The following LMF1 variants were observed in gnomAD, a reference collection of about 807,000 sequenced individuals.
LMF1 encodes transmembrane protein 112.
In LMF1, 68 loss-of-function variants were observed where a neutral mutation model predicts 60.6. The ratio of observed to expected loss-of-function variants is 1.12; its 90% CI spans 0.92 to 1.37. The LOEUF (loss-of-function observed/expected upper bound fraction) is 1.37, where lower values mean the gene tolerates loss of function less well. Among genes scored for constraint, LMF1 ranks in the 40% most tolerant of loss-of-function variants. The pLI, the probability that LMF1 is intolerant of heterozygous loss-of-function variation, is 0.00. For synonymous variants in LMF1, 418 were observed against 324.7 expected (o/e 1.29, Z -3.09); for missense variants, 948 against 767.2 (o/e 1.24, Z -2.78).
chr16:979,499 G>A (rs2073276824), intron 1 of LMF1: 1 of 376,998 alleles, frequency 2.7e-6, no homozygotes, highest in Admixed American at 3.0e-5. Flanking sequence ...GGAGCCTGAG[G>A]CAGGGTCTCA....
rs561896557 is a variant in LMF1, at chr16:926,137, T to C, written c.514+8107A>G. ...TGATCTGAATATGTCTGTGTGTGCA[T>C]GCGTGCACCTGTGTTTGCATATGTG... On this transcript the variant is annotated intron_variant, in intron 3 of 10. Coordinates refer to ENST00000262301, the MANE Select transcript of LMF1 (RefSeq NM_022773.4). Among the ~76,000 whole-genome samples, 24 of 152,238 alleles carry C rather than the reference T, an allele frequency of 1.6e-4. No homozygotes were observed. In the East Asian group the frequency reaches 4.6e-3, roughly 29 times the overall value.
chr16:919,070 G>A (rs1383950858), intron 3 of LMF1, among the ~76,000 whole-genome samples: 1 of 152,112 alleles, frequency 6.6e-6, no homozygotes, highest in Admixed American at 6.5e-5. Context: ...GTGGGCAGTC[G>A]GCATGTCGGC....
intron 1 of LMF1, among the ~76,000 whole-genome samples, chr16:965,028 T>C (rs1418124428): frequency 6.6e-6 from 1 of 152,220 alleles, no homozygotes; most frequent in Non-Finnish European, 1.5e-5. Flanking sequence ...ATTTTCAACA[T>C]AATCTCAGTG....
intron 10 of LMF1, 51 bp downstream of exon 10, chr16:868,893 A>G: frequency 8.5e-7 from 1 of 1,173,582 alleles, no homozygotes; most frequent in East Asian, 2.3e-5. Context: ...ATCCCAGCAG[A>G]CACCTGGATT....
Position 860,018 on chromosome 16 carries a change from C to T in LMF1, c.1530-5312G>A, listed in dbSNP as rs561352845. On this transcript the variant is annotated intron_variant, in intron 10 of 10. Transcript: ENST00000262301. Reference sequence around the variant, plus strand: ...TGGTTTTTGCTTCTCTAATGACAGGCATTTCTCCTGAGCTTATCTGTCATC... The same window carrying T: ...TGGTTTTTGCTTCTCTAATGACAGGTATTTCTCCTGAGCTTATCTGTCATC... Among the ~76,000 whole-genome samples the T allele has an allele frequency of 5.3e-5, 8 of 151,668 alleles. No homozygotes were observed. In the South Asian group the frequency reaches 1.7e-3, roughly 31 times the overall value.
chr16:954,256 A>G, intron 2 of LMF1, 101 bp downstream of exon 2: 2 of 1,227,074 alleles, frequency 1.6e-6, no homozygotes, highest in Non-Finnish European at 2.3e-6. Flanking sequence ...GGAATTTAAG[A>G]TAAACGCTCG....
At chr16:862,940 T>C (rs1490366339) in intron 10 of LMF1, among the ~76,000 whole-genome samples, 1 of 152,202 alleles carries the variant, frequency 6.6e-6, no homozygotes, top group Non-Finnish European at 1.5e-5. Context: ...AATCTTAGAA[T>C]TCTCCAGTGA....
chr16:898,053 A>G (rs901011366), intron 4 of LMF1, among the ~76,000 whole-genome samples: 1 of 152,218 alleles, frequency 6.6e-6, no homozygotes, highest in African/African-American at 2.4e-5. Flanking sequence ...CATGCCTCAG[A>G]ACAGTGGGCT....
At chr16:910,681 A>G (rs531645952) in intron 4 of LMF1, among the ~76,000 whole-genome samples, 4 of 152,248 alleles carry the variant, frequency 2.6e-5, no homozygotes, top group Admixed American at 2.6e-4. Context: ...TCCTCCTGAA[A>G]CAGACTCAGA....
Position 854,662 on chromosome 16 carries a change from C to T in LMF1, c.1574G>A (p.Gly525Glu), listed in dbSNP as rs200159114. 79 of 1,604,592 alleles carry T rather than the reference C, an allele frequency of 4.9e-5. No individual in the cohort carries two copies. The highest frequency in any genetic ancestry group is 6.5e-5 in the Non-Finnish European group (77 of 1,178,228). ...CTTGCCCTCGGCGGCGTGCCTGCCCCCAGGACGGCTGAACTTGTACCTGTA... is the reference window on the plus strand; with the variant it reads ...CTTGCCCTCGGCGGCGTGCCTGCCCTCAGGACGGCTGAACTTGTACCTGTA... ...EHYRYKFSRPGGRHAAEGKWW... is the reference protein window; with the variant it reads ...EHYRYKFSRPEGRHAAEGKWW... Residue 525 changes from glycine (G) to glutamate (E), a missense_variant, in exon 11 of 11, where the codon GGG becomes GAG. Gly to Glu is a moderately conservative substitution (Grantham distance 98, BLOSUM62 -2). Transcript: ENST00000262301.
At chr16:932,502 C>T (rs75142938) in intron 3 of LMF1, among the ~76,000 whole-genome samples, 11,030 of 152,296 alleles carry the variant, frequency 0.072, 455 homozygotes, top group Non-Finnish European at 0.092. Flanking sequence ...GGACTTCTCC[C>T]GCTAGACACA....
intron 1 of LMF1, among the ~76,000 whole-genome samples, chr16:959,713 C>T (rs1450377513): frequency 6.6e-6 from 1 of 152,196 alleles, no homozygotes; most frequent in East Asian, 1.9e-4. Flanking sequence ...AGGGCTTTCC[C>T]CCCCGGGCCT....
chr16:973,435 G>T (rs2073083481), upstream of LMF1, among the ~76,000 whole-genome samples: 1 of 152,228 alleles, frequency 6.6e-6, no homozygotes, highest in South Asian at 2.1e-4. Context: ...AGTGGGACAG[G>T]ACAGACGCGG....
At chr16:860,310 G>C (rs772565102) in intron 10 of LMF1, among the ~76,000 whole-genome samples, 2 of 151,404 alleles carry the variant, frequency 1.3e-5, no homozygotes, top group Non-Finnish European at 2.9e-5. Context: ...CCTGGCCCTA[G>C]ATCCCAAAGA....
chr16:980,052 A>C (rs2073300264), intron 1 of LMF1: 3 of 320,054 alleles, frequency 9.4e-6, no homozygotes, highest in South Asian at 7.8e-5. Flanking sequence ...CCAGGCTGGC[A>C]GCCAGCTCTC....
At chr16:908,397 G>A (rs4984973) in intron 4 of LMF1, among the ~76,000 whole-genome samples, 418 of 152,076 alleles carry the variant, frequency 2.7e-3, no homozygotes, top group Non-Finnish European at 4.5e-3. Context: ...AGCCACTCAC[G>A]CACCCCTCAG....
chr16:958,769 C>T (rs1466360414), intron 1 of LMF1, among the ~76,000 whole-genome samples: 2 of 152,158 alleles, frequency 1.3e-5, no homozygotes, highest in Non-Finnish European at 2.9e-5. Flanking sequence ...CACCTGGAAT[C>T]CCAGCTACTC....
In LMF1 at chr16:854,395, C is replaced by A. The variant is rs147193806; in HGVS notation, c.*137G>T. The A allele has an allele frequency of 1.1e-6, 1 of 914,582 alleles. No individual in the cohort carries two copies. The highest frequency in any genetic ancestry group is 1.7e-6 in the Non-Finnish European group (1 of 588,720). The allele number at this position is 914,582 out of a possible 1,614,324, so 56.7% of individuals were successfully genotyped here. On this transcript the variant is annotated 3_prime_UTR_variant, in exon 11 of 11. Coordinates refer to ENST00000262301, the MANE Select transcript of LMF1 (RefSeq NM_022773.4). Reference sequence around the variant, plus strand: ...GACAACAGACCCCACCCTGGACCCCCGTGCTGGGGGCTGGGTCCCACCGCT... The same window carrying A: ...GACAACAGACCCCACCCTGGACCCCAGTGCTGGGGGCTGGGTCCCACCGCT...
intron 1 of LMF1, among the ~76,000 whole-genome samples, chr16:964,818 C>T (rs760876307): frequency 4.6e-5 from 7 of 152,224 alleles, no homozygotes; most frequent in South Asian, 2.1e-4. Flanking sequence ...ACAAGGGCTG[C>T]GGTGAGACTC....
Sources: gnomAD v4.1 joint callset for allele counts (sites outside exome capture counted in the v4.1 genomes callset) on GRCh38, gnomAD v4.1.1 for gene constraint, MANE v1.5 for transcripts, NCBI Gene and HGNC (gene_info 2026-07-23, HGNC 2026-07-21) for gene names.